Variants in ANAPC4 observed in about 807,000 individuals in gnomAD.
ANAPC4 encodes anaphase promoting complex subunit 4, also known as anaphase-promoting complex subunit 4.
A neutral mutation model predicts 119.8 loss-of-function variants in ANAPC4; 63 were observed. That is an observed-to-expected ratio of 0.53 (90% CI 0.43 to 0.65). The LOEUF is 0.65. ANAPC4 is among the 30% of genes least tolerant of loss of function. The pLI is 0.00. For missense variants in ANAPC4, 716 were observed against 945.1 expected (o/e 0.76, Z 3.18); for synonymous variants, 283 against 318.6 (o/e 0.89, Z 1.19).
intron 3 of ANAPC4, among the ~76,000 whole-genome samples, chr4:25,380,872 A>T (rs569271508): frequency 6.6e-6 from 1 of 152,320 alleles, no homozygotes; most frequent in South Asian, 2.1e-4. Context: ...ATATTTTAGC[A>T]TGAAATGTGT....
intron 25 of ANAPC4, chr4:25,415,126 G>A: frequency 4.8e-6 from 1 of 210,080 alleles, no homozygotes; most frequent in Non-Finnish European, 9.3e-6. Flanking sequence ...TTGCCTAACA[G>A]AGACTTACTT....
At chr4:25,398,741 G>A (rs1020160509) in intron 16 of ANAPC4, among the ~76,000 whole-genome samples, 2 of 152,078 alleles carry the variant, frequency 1.3e-5, no homozygotes, top group African/African-American at 4.8e-5. Flanking sequence ...AGAAATGGTG[G>A]TCAGAATCTG....
intron 22 of ANAPC4, 175 bp from the exon 23 acceptor site, chr4:25,414,149 G>T: frequency 1.9e-6 from 1 of 531,836 alleles, no homozygotes; most frequent in Non-Finnish European, 3.2e-6. Context: ...TTTCAGCTCA[G>T]AATTTTCTCT....
Position 25,377,339 on chromosome 4 carries a change from T to C in ANAPC4, c.-16T>C, listed in dbSNP as rs1339693156. 7 of 1,550,028 alleles carry C rather than the reference T, an allele frequency of 4.5e-6. No homozygotes were observed. The highest frequency in any genetic ancestry group is 4.1e-5 in the African/African-American group (3 of 73,560). ...CGTGTTAGTCTGCCGGTGGGGACTC[T>C]TGCAGGTACAGGCGCGGTCGGGGCT... On this transcript the variant is annotated 5_prime_UTR_variant, in exon 1 of 29. Coordinates refer to ENST00000315368, the MANE Select transcript of ANAPC4 (RefSeq NM_013367.3).
chr4:25,402,849 A>G, intron 16 of ANAPC4, 122 bp from the exon 17 acceptor site: 5 of 473,046 alleles, frequency 1.1e-5, no homozygotes, highest in South Asian at 5.6e-5. Flanking sequence ...AAAGACTTAA[A>G]TGTCACCCAG....
rs545203716 is a variant in ANAPC4 at position 25,398,507 on chromosome 4, G to A, written c.1214+1608G>A. 6.6e-5 allele frequency among the ~76,000 whole-genome samples: 10 copies of A among 152,290 alleles called. No homozygotes were observed. The East Asian group carries it at 1.7e-3, about 27-fold the overall frequency. On this transcript the variant is annotated intron_variant, in intron 16 of 28. Transcript: ENST00000315368. The stretch of plus-strand genomic sequence containing the variant: ...AAGGGCACTATAGCTGAAGCAGATT[G>A]AATGAGAGTAAGGTAGGAGGTGGAT...
Position 25,414,462 on chromosome 4 carries a change from T to C in ANAPC4, c.1686-4T>C. ...TTCTCATTTCTTTTTCCCTTTTATT[T>C]TAGTGAGGATTCTACACGTAGATTG... On this transcript the variant is annotated splice_region_variant and splice_polypyrimidine_tract_variant and intron_variant, in intron 23 of 28. Transcript: ENST00000315368. 1 of 1,600,666 alleles carries C rather than the reference T, an allele frequency of 6.2e-7. No homozygotes were observed. The highest frequency in any genetic ancestry group is 1.1e-5 in the South Asian group (1 of 89,678).
chr4:25,378,658 A>G lies in ANAPC4; in HGVS notation c.129+1102A>G, dbSNP rs1577365186. The stretch of plus-strand genomic sequence containing the variant: ...GGGCATTGTTTATGGGTGAAGATGG[A>G]GAAGAATATATTGGAAGTTTGAGGA... On this transcript the variant is annotated intron_variant, in intron 2 of 28. Transcript: ENST00000315368. Among the ~76,000 whole-genome samples, 3 of 152,368 alleles carry G rather than the reference A, an allele frequency of 2.0e-5. No homozygotes were observed. In the South Asian group the frequency reaches 6.2e-4, roughly 32 times the overall value.
In ANAPC4 at chr4:25,418,207, A is replaced by AATGGG. The variant is rs1450117484; in HGVS notation, c.2254_2258dup (p.Glu753AspfsTer19). ...GTATTTGAAATGGACATAGATGATG[A>AATGGG]ATGGGAGCTCGATGAGTCTTCAGAT... is the stretch of plus-strand genomic sequence containing the variant. On this transcript the variant is annotated frameshift_variant, in exon 29 of 29. Transcript: ENST00000315368. LOFTEE classifies it low-confidence loss of function (END_TRUNC). The AATGGG allele has an allele frequency of 1.2e-6, 2 of 1,614,100 alleles. No individual in the cohort carries two copies.
chr4:25,416,691 T>TTATTTC, intron 27 of ANAPC4, 93 bp downstream of exon 27: 1 of 1,058,292 alleles, frequency 9.4e-7, no homozygotes, highest in Non-Finnish European at 1.3e-6. Context: ...TAGATAATGG[T>TTATTTC]TATTTCGTTA....
Position 25,394,725 on chromosome 4 carries a change from G to T in ANAPC4, c.984+12G>T. On this transcript the variant is annotated intron_variant, in intron 13 of 28. Coordinates refer to ENST00000315368, the MANE Select transcript of ANAPC4 (RefSeq NM_013367.3). ...AGTTAACAGTAAAGGTGCAGTTAATGTATCTATGTATTCAAATGGCTATGA... is the reference window on the plus strand; with the variant it reads ...AGTTAACAGTAAAGGTGCAGTTAATTTATCTATGTATTCAAATGGCTATGA... 1.2e-6 allele frequency: 2 copies of T among 1,604,444 alleles called. No individual in the cohort carries two copies. Among genetic ancestry groups the T allele is most frequent in the Non-Finnish European group, 1.7e-6 (2 of 1,177,132 alleles).
chr4:25,415,424 T>C (rs1472020397), intron 25 of ANAPC4, 42 bp from the exon 26 acceptor site: 2 of 1,475,802 alleles, frequency 1.4e-6, no homozygotes, highest in African/African-American at 1.4e-5. Flanking sequence ...ACTATCCAGG[T>C]TGTTCCACAG....
chr4:25,385,421 G>A (rs1577372406), intron 4 of ANAPC4, among the ~76,000 whole-genome samples: 1 of 152,140 alleles, frequency 6.6e-6, no homozygotes, highest in Non-Finnish European at 1.5e-5. Context: ...GATTTAGCTG[G>A]AAGTTCTGTA....
intron 20 of ANAPC4, 107 bp downstream of exon 20, chr4:25,407,360 A>G: frequency 5.2e-6 from 4 of 762,338 alleles, no homozygotes; most frequent in Non-Finnish European, 7.9e-6. Flanking sequence ...CTGCCCTTTT[A>G]GTAAAATTAA....
At chr4:25,408,634 C>T (rs1388586968) in intron 20 of ANAPC4, among the ~76,000 whole-genome samples, 1 of 151,634 alleles carries the variant, frequency 6.6e-6, no homozygotes, top group Non-Finnish European at 1.5e-5. Context: ...CCTCTTGTAG[C>T]TGGGGCTACA....
intron 28 of ANAPC4, 118 bp from the exon 29 acceptor site, chr4:25,418,037 T>C: frequency 9.8e-7 from 1 of 1,018,534 alleles, no homozygotes; most frequent in Non-Finnish European, 1.4e-6. Flanking sequence ...TTGTTGTAAA[T>C]TGATGGGAAT....
At chr4:25,413,939 G>A in intron 22 of ANAPC4, 197 bp downstream of exon 22, 1 of 530,376 alleles carries the variant, frequency 1.9e-6, no homozygotes, top group South Asian at 3.0e-5. Flanking sequence ...ACGTGTGTGT[G>A]TGTGTGTGTG....
intron 10 of ANAPC4, among the ~76,000 whole-genome samples, chr4:25,393,191 C>G (rs1722450300): frequency 6.6e-6 from 1 of 152,070 alleles, no homozygotes; most frequent in African/African-American, 2.4e-5. Flanking sequence ...TTGACCAAAC[C>G]AGTATTTTGA....
In ANAPC4 at chr4:25,403,029, A is replaced by G; in HGVS notation, c.1270+3A>G. On this transcript the variant is annotated splice_donor_region_variant and intron_variant, in intron 17 of 28. Coordinates refer to ENST00000315368, the MANE Select transcript of ANAPC4 (RefSeq NM_013367.3). Reference sequence around the variant, plus strand: ...ATTTTTTCGGTGGCTTTATGTGGGTAAGTTAATTGAGTGAAGCATTTTTAT... The same window carrying G: ...ATTTTTTCGGTGGCTTTATGTGGGTGAGTTAATTGAGTGAAGCATTTTTAT... The G allele has an allele frequency of 6.3e-7, 1 of 1,599,606 alleles. No individual in the cohort carries two copies. Among genetic ancestry groups the G allele is most frequent in the Non-Finnish European group, 8.5e-7 (1 of 1,169,622 alleles).
Sources: gnomAD v4.1 joint callset for allele counts (sites outside exome capture counted in the v4.1 genomes callset) on GRCh38, gnomAD v4.1.1 for gene constraint, MANE v1.5 for transcripts, NCBI Gene and HGNC (gene_info 2026-07-23, HGNC 2026-07-21) for gene names.